Variants in INTS9 observed in about 807,000 individuals in gnomAD.
INTS9 encodes the protein integrator complex subunit 9, also known as protein related to CPSF subunits of 74 kDa.
INTS9 carries 55 observed loss-of-function variants against 79.7 expected under a neutral mutation model. The ratio of observed to expected loss-of-function variants is 0.69; its 90% CI spans 0.56 to 0.86. The LOEUF is 0.86. Ranked by LOEUF, INTS9 falls within the 40% of genes least tolerant of loss-of-function variation. The pLI, the probability that INTS9 is intolerant of heterozygous loss-of-function variation, is 0.00. For missense variants in INTS9, 721 were observed against 831.5 expected, an observed-to-expected ratio of 0.87 and a Z score of 1.64; for synonymous variants, 319 against 325.2, an observed-to-expected ratio of 0.98 and a Z score of 0.20.
At chr8:28,865,280 T>G (rs1261450944) in intron 1 of INTS9, among the ~76,000 whole-genome samples, 1 of 151,692 alleles carries the variant, frequency 6.6e-6, no homozygotes, top group African/African-American at 2.4e-5. Flanking sequence ...CATTAGACAA[T>G]GATTCACTGA....
At chr8:28,825,003 C>T (rs1485906017) in intron 6 of INTS9, among the ~76,000 whole-genome samples, 1 of 152,228 alleles carries the variant, frequency 6.6e-6, no homozygotes, top group Non-Finnish European at 1.5e-5. Flanking sequence ...GAAGCACATG[C>T]ATTTCCCTAC....
intron 1 of INTS9, among the ~76,000 whole-genome samples, chr8:28,875,938 A>T (rs2131355212): frequency 6.6e-6 from 1 of 152,326 alleles, no homozygotes; most frequent in South Asian, 2.1e-4. Flanking sequence ...GTTAGCTATA[A>T]CTATCACACA....
At chr8:28,771,613 G>C (rs755487848) in intron 14 of INTS9, among the ~76,000 whole-genome samples, 2 of 152,250 alleles carry the variant, frequency 1.3e-5, no homozygotes, top group Non-Finnish European at 2.9e-5. Flanking sequence ...GGCAGAGGAA[G>C]CAGCTTAGGA....
intron 6 of INTS9, among the ~76,000 whole-genome samples, chr8:28,833,165 T>A (rs1362583318): frequency 6.6e-6 from 1 of 152,190 alleles, no homozygotes; most frequent in Non-Finnish European, 1.5e-5. Flanking sequence ...TCTAGCTACA[T>A]ATTTATATTC....
intron 1 of INTS9, among the ~76,000 whole-genome samples, chr8:28,875,095 C>A (rs761580751): frequency 6.6e-6 from 1 of 152,116 alleles, no homozygotes; most frequent in Non-Finnish European, 1.5e-5. Flanking sequence ...AGGAAAGACC[C>A]GCCCCCATGA....
At chr8:28,771,959 C>T (rs1427058445) in intron 14 of INTS9, among the ~76,000 whole-genome samples, 1 of 152,124 alleles carries the variant, frequency 6.6e-6, no homozygotes, top group Non-Finnish European at 1.5e-5. Flanking sequence ...CTCCTGGGCT[C>T]AAGTGATGTT....
intron 11 of INTS9, among the ~76,000 whole-genome samples, chr8:28,787,444 A>G (rs1370308316): frequency 6.6e-6 from 1 of 152,222 alleles, no homozygotes; most frequent in Non-Finnish European, 1.5e-5. Flanking sequence ...CAGGCTGAGC[A>G]TCCCTAATCC....
Position 28,864,985 on chromosome 8 carries a change from CAA to C in INTS9, c.10-5424_10-5423del, listed in dbSNP as rs767728666. Among the ~76,000 whole-genome samples the C allele has an allele frequency of 8.4e-3, 547 of 65,166 alleles. 3 individuals are homozygous for C. Among genetic ancestry groups the C allele is most frequent in the African/African-American group, 0.025 (517 of 20,414 alleles). 42.8% of individuals were successfully genotyped at this position (65,166 alleles called of 152,430 possible). On this transcript the variant is annotated intron_variant, in intron 1 of 16. Coordinates refer to ENST00000521022, the MANE Select transcript of INTS9 (RefSeq NM_018250.4). ...TCAGAGACACAGTGAGACACCGTCTCAAAAAAAAAAAAAAAACAAAGTTTCAA... is the reference window on the plus strand; with the variant it reads ...TCAGAGACACAGTGAGACACCGTCTCAAAAAAAAAAAAAACAAAGTTTCAA...
chr8:28,822,368 A>G (rs1037461953), intron 6 of INTS9, among the ~76,000 whole-genome samples: 3 of 152,234 alleles, frequency 2.0e-5, no homozygotes, highest in Middle Eastern at 3.2e-3. Context: ...AACCTTTTCC[A>G]TAAGTGGCTG....
chr8:28,824,222 T>A (rs1375647240), intron 6 of INTS9, among the ~76,000 whole-genome samples: 1 of 152,156 alleles, frequency 6.6e-6, no homozygotes, highest in Non-Finnish European at 1.5e-5. Flanking sequence ...AGGCTGGCCT[T>A]CCCTCCCAGA....
chr8:28,827,442 TTGAATGAATAAA>T (rs1806217760), intron 6 of INTS9, among the ~76,000 whole-genome samples: 1 of 152,152 alleles, frequency 6.6e-6, no homozygotes, highest in Non-Finnish European at 1.5e-5. Context: ...TAAGTGTATG[TTGAATGAATAAA>T]TGAATGAATA....
intron 12 of INTS9, among the ~76,000 whole-genome samples, chr8:28,778,173 G>A (rs145279774): frequency 2.6e-5 from 4 of 152,134 alleles, no homozygotes; most frequent in Non-Finnish European, 4.4e-5. Context: ...GGCAGATGAG[G>A]TAAATGAGGG....
At chr8:28,833,948 C>T (rs192866136) in intron 6 of INTS9, among the ~76,000 whole-genome samples, 175 of 152,242 alleles carry the variant, frequency 1.1e-3, no homozygotes, top group African/African-American at 3.6e-3. Context: ...CTCACCTCTC[C>T]GGGATTGTTA....
At chr8:28,856,811 C>T (rs1808191717) in intron 2 of INTS9, among the ~76,000 whole-genome samples, 1 of 152,128 alleles carries the variant, frequency 6.6e-6, no homozygotes, top group Non-Finnish European at 1.5e-5. Flanking sequence ...ACAACTGATC[C>T]TGTCACCCAG....
chr8:28,844,063 A>G (rs1459718795), intron 4 of INTS9, among the ~76,000 whole-genome samples: 1 of 152,214 alleles, frequency 6.6e-6, no homozygotes, highest in Non-Finnish European at 1.5e-5. Context: ...CTGGCATCAC[A>G]TGGTGTTTTA....
At chr8:28,850,133 T>A in intron 3 of INTS9, 80 bp downstream of exon 3, 9 of 1,040,896 alleles carry the variant, frequency 8.6e-6, no homozygotes, top group Non-Finnish European at 1.3e-5. Flanking sequence ...TCAGTCACAC[T>A]ACTACAGGGT....
intron 9 of INTS9, 24 bp from the exon 10 acceptor site, chr8:28,794,011 G>C: frequency 6.7e-7 from 1 of 1,501,686 alleles, no homozygotes. Flanking sequence ...TGCCAGAGGA[G>C]AAAAAACATC....
intron 12 of INTS9, 173 bp downstream of exon 12, chr8:28,780,650 C>T: frequency 1.0e-6 from 1 of 985,426 alleles, no homozygotes; most frequent in South Asian, 4.7e-5. Flanking sequence ...TCCAATGGCA[C>T]ACACTGCTTC....
chr8:28,861,270 T>C (rs1744912606), intron 1 of INTS9, among the ~76,000 whole-genome samples: 1 of 152,170 alleles, frequency 6.6e-6, no homozygotes, highest in Non-Finnish European at 1.5e-5. Flanking sequence ...GATATTCCTG[T>C]CCCCACCCTC....
Sources: gnomAD v4.1 joint callset for allele counts (sites outside exome capture counted in the v4.1 genomes callset) on GRCh38, gnomAD v4.1.1 for gene constraint, MANE v1.5 for transcripts, NCBI Gene and HGNC (gene_info 2026-07-23, HGNC 2026-07-21) for gene names.